Variants in PLA1A observed in about 807,000 individuals in gnomAD.
PLA1A encodes the protein phosphatidylserine-specific phospholipase A1alpha.
PLA1A carries 47 observed loss-of-function variants against 49.4 expected under a neutral mutation model. That is an observed-to-expected ratio of 0.95 (90% CI 0.75 to 1.21). The LOEUF is 1.21. Among genes scored for constraint, PLA1A ranks in the 50% most tolerant of loss-of-function variants. PLA1A has a pLI of 0.00. For missense variants in PLA1A, 561 were observed against 563.9 expected, an observed-to-expected ratio of 0.99 and a Z score of 0.05; for synonymous variants, 224 against 207.9, an observed-to-expected ratio of 1.08 and a Z score of -0.67.
chr3:119,613,610 C>A (rs529572635), intron 5 of PLA1A, among the ~76,000 whole-genome samples: 1 of 152,078 alleles, frequency 6.6e-6, no homozygotes, highest in East Asian at 1.9e-4. Context: ...ATCTCTCTTC[C>A]GGGCCGGGCA....
chr3:119,603,774 G>C (rs1195673753), intron 1 of PLA1A, among the ~76,000 whole-genome samples: 1 of 152,222 alleles, frequency 6.6e-6, no homozygotes, highest in Non-Finnish European at 1.5e-5. Context: ...ATTTTATAAG[G>C]TGCCTATGAA....
intron 1 of PLA1A, among the ~76,000 whole-genome samples, chr3:119,601,242 C>A (rs1305506801): frequency 6.6e-6 from 1 of 152,240 alleles, no homozygotes; most frequent in African/African-American, 2.4e-5. Flanking sequence ...CAGAACACAC[C>A]TGAGACAGGT....
At chr3:119,626,489 T>C (rs3755578) in intron 9 of PLA1A, among the ~76,000 whole-genome samples, 20,613 of 152,098 alleles carry the variant, frequency 0.14, 1,618 homozygotes, top group East Asian at 0.35. Flanking sequence ...ACACCTCTGG[T>C]GTGTCTGGAG....
chr3:119,607,608 G>A (rs760415932), intron 2 of PLA1A, among the ~76,000 whole-genome samples: 2 of 152,192 alleles, frequency 1.3e-5, no homozygotes, highest in African/African-American at 2.4e-5. Context: ...AGACACAAAG[G>A]CTGTGCACAA....
Position 119,625,183 on chromosome 3 carries a change from G to A in PLA1A, c.1072G>A (p.Glu358Lys), listed in dbSNP as rs921530538. The change falls in exon 9 of 11, where the codon GAG (glutamate) becomes AAG (lysine). Residue 358 changes from glutamate (E) to lysine (K), a missense_variant. Glu to Lys is a moderately conservative substitution (Grantham distance 56). Coordinates refer to ENST00000273371, the MANE Select transcript of PLA1A (RefSeq NM_015900.4). ...KELRNKDTNI[E>K]VTFLSSNITS... ...ACTGAGAAACAAGGACACCAACATC[G>A]AGGTTACCTTCCTTAGCAGTAACAT... The A allele has an allele frequency of 1.9e-6, 3 of 1,613,808 alleles. No individual in the cohort carries two copies. Among genetic ancestry groups the A allele is most frequent in the South Asian group, 2.2e-5 (2 of 91,066 alleles).
chr3:119,629,438 T>A lies in PLA1A; in HGVS notation c.1341T>A (p.Val447=). 4 of 1,610,582 alleles carry A rather than the reference T, an allele frequency of 2.5e-6. No individual in the cohort carries two copies. Among genetic ancestry groups the A allele is most frequent in the Non-Finnish European group, 3.4e-6 (4 of 1,176,986 alleles). ...EPVNLQASVT[V]SCDLKIACV ...TGAACTTACAAGCAAGTGTGACTGT[T>A]TCCTGTGACCTGAAGATAGCCTGTG... Residue 447 remains valine, a synonymous_variant, in exon 11 of 11, where the codon GTT becomes GTA. Coordinates refer to ENST00000273371, the MANE Select transcript of PLA1A (RefSeq NM_015900.4).
chr3:119,625,332 T>A, intron 9 of PLA1A, 100 bp downstream of exon 9: 1 of 764,162 alleles, frequency 1.3e-6, no homozygotes, highest in Non-Finnish European at 2.2e-6. Context: ...GTGTGATTGC[T>A]GATGCATGGG....
chr3:119,617,747 AAAAAAG>A (rs762185933), intron 6 of PLA1A, among the ~76,000 whole-genome samples: 68 of 151,822 alleles, frequency 4.5e-4, no homozygotes, highest in Non-Finnish European at 8.1e-4. Flanking sequence ...CGTCTCAAAA[AAAAAAG>A]AAAAGAAAAG....
intron 1 of PLA1A, among the ~76,000 whole-genome samples, chr3:119,601,041 T>C (rs113440101): frequency 0.093 from 14,226 of 152,322 alleles, 914 homozygotes; most frequent in Non-Finnish European, 0.14. Context: ...GGAGGGTGCC[T>C]GCTTCCCGAC....
intron 9 of PLA1A, among the ~76,000 whole-genome samples, chr3:119,628,361 A>G (rs987408284): frequency 3.9e-5 from 6 of 152,258 alleles, no homozygotes; most frequent in Non-Finnish European, 7.3e-5. Flanking sequence ...GAGGGTTTCT[A>G]CTTCTGGGTA....
In PLA1A at chr3:119,609,463, TC is replaced by T; in HGVS notation, c.454-4del. ...ACGGGGAACTCACTGTTCCTGCTCT[TC>T]TAGGTGCTGGGTGTGTCGGAATCCT... is the stretch of plus-strand genomic sequence containing the variant. On this transcript the variant is annotated splice_region_variant and splice_polypyrimidine_tract_variant and intron_variant, in intron 3 of 10. Coordinates refer to ENST00000273371, the MANE Select transcript of PLA1A (RefSeq NM_015900.4). 1 of 1,586,252 alleles carries T rather than the reference TC, an allele frequency of 6.3e-7. No homozygotes were observed. Among genetic ancestry groups the T allele is most frequent in the African/African-American group, 1.3e-5 (1 of 74,476 alleles).
rs1316076881 is a variant in PLA1A, at chr3:119,619,561, A to C, written c.923-2A>C. 1 of 1,610,382 alleles carries C rather than the reference A, an allele frequency of 6.2e-7. No homozygotes were observed. The highest frequency in any genetic ancestry group is 1.1e-5 in the South Asian group (1 of 91,024). ...CTGCTGTCTTTGCTTCTTTATTTCC[A>C]GGACTGGTGGAACAAGGTGGTGTCA... On this transcript the variant is annotated splice_acceptor_variant, in intron 7 of 10. Transcript: ENST00000273371. LOFTEE classifies it high-confidence loss of function.
At chr3:119,627,635 C>A (rs113965931) in intron 9 of PLA1A, among the ~76,000 whole-genome samples, 16 of 76,056 alleles carry the variant, frequency 2.1e-4, no homozygotes, top group African/African-American at 2.1e-3. Flanking sequence ...ACCACCCCTG[C>A]CCCCGCCGAG....
intron 1 of PLA1A, among the ~76,000 whole-genome samples, chr3:119,605,487 C>T (rs2082674285): frequency 1.3e-5 from 2 of 152,250 alleles, no homozygotes; most frequent in Non-Finnish European, 2.9e-5. Flanking sequence ...AGAAGATAAT[C>T]ACTCCAGAAA....
rs1284389717 is a variant in PLA1A, at chr3:119,614,461, T to G, written c.664+1343T>G. Among the ~76,000 whole-genome samples the G allele has an allele frequency of 3.3e-5, 5 of 151,706 alleles. 1 individual carries two copies. Among genetic ancestry groups the G allele is most frequent in the Admixed American group, 2.0e-4 (3 of 15,254 alleles). On this transcript the variant is annotated intron_variant, in intron 5 of 10. Coordinates refer to ENST00000273371, the MANE Select transcript of PLA1A (RefSeq NM_015900.4). ...TACTAAAAAAAATACAAAAATTTAG[T>G]GAGGCGTGGTGGTAGGCACCTGTAG...
chr3:119,621,772 C>T (rs2082936319), intron 8 of PLA1A, among the ~76,000 whole-genome samples: 2 of 152,154 alleles, frequency 1.3e-5, no homozygotes, highest in South Asian at 4.1e-4. Context: ...GGCTTGTAAG[C>T]AGCAGGGTTG....
At position 119,609,589 on chromosome 3, in the gene PLA1A, C is replaced by G; in HGVS notation, c.562+13C>G. The G allele has an allele frequency of 2.9e-6, 4 of 1,363,792 alleles. No homozygotes were observed. Among genetic ancestry groups the G allele is most frequent in the Non-Finnish European group, 4.2e-6 (4 of 958,866 alleles). 84.5% of individuals were successfully genotyped at this position (1,363,792 alleles called of 1,614,324 possible). On this transcript the variant is annotated intron_variant, in intron 4 of 10. Transcript: ENST00000273371. ...GGACAGATCACAGGTAACATTCCTC[C>G]CTGCCCATCCTCCAGGCTTTAGAGA...
At chr3:119,602,439 G>T (rs2082629504) in intron 1 of PLA1A, among the ~76,000 whole-genome samples, 1 of 152,088 alleles carries the variant, frequency 6.6e-6, no homozygotes, top group South Asian at 2.1e-4. Context: ...CAGTTTTGGG[G>T]TGGATATAAA....
chr3:119,608,192 G>T (rs533140790), intron 2 of PLA1A, among the ~76,000 whole-genome samples: 2 of 133,570 alleles, frequency 1.5e-5, no homozygotes, highest in Non-Finnish European at 3.2e-5. Context: ...GAGAAAGGAA[G>T]AAAGGAAAGA....
Sources: allele counts gnomAD v4.1 joint callset (sites outside exome capture counted in the v4.1 genomes callset), GRCh38; gene constraint gnomAD v4.1.1; transcripts MANE v1.5; gene names NCBI Gene and HGNC (gene_info 2026-07-23, HGNC 2026-07-21).